The following STEAP3 variants were observed in gnomAD, a reference collection of about 807,000 sequenced individuals.
STEAP3 encodes the protein STEAP3 metalloreductase.
Under a neutral mutation model 34.9 loss-of-function variants are expected in STEAP3, and 35 were observed. That is an observed-to-expected ratio of 1.00 (90% confidence interval 0.76 to 1.33). The LOEUF (loss-of-function observed/expected upper bound fraction) is 1.33, where lower values mean the gene tolerates loss of function less well. STEAP3 is among the 40% of genes most tolerant of loss of function. The pLI is 0.00. For synonymous variants in STEAP3, 281 were observed against 301.6 expected (o/e 0.93, Z 0.71); for missense variants, 652 against 667.6 (o/e 0.98, Z 0.26).
intron 2 of STEAP3, among the ~76,000 whole-genome samples, chr2:119,240,647 A>G (rs1225287814): frequency 6.6e-6 from 1 of 152,236 alleles, no homozygotes. Flanking sequence ...GCCGGGAAGA[A>G]GGAGGGGACA....
At chr2:119,225,199 C>G (rs62159639) in intron 1 of STEAP3, among the ~76,000 whole-genome samples, 4,681 of 152,336 alleles carry the variant, frequency 0.031, 105 homozygotes, top group Non-Finnish European at 0.048. Flanking sequence ...ACCTGGAGGA[C>G]CCAGACTATG....
intron 3 of STEAP3, 57 bp downstream of exon 3, chr2:119,246,045 A>T: frequency 6.4e-7 from 1 of 1,552,984 alleles, no homozygotes; most frequent in Middle Eastern, 1.7e-4. Context: ...GCTAATTTTC[A>T]TCGAGTGCTG....
chr2:119,258,739 C>T (rs1193191476), intron 5 of STEAP3, among the ~76,000 whole-genome samples: 1 of 148,832 alleles, frequency 6.7e-6, no homozygotes, highest in Non-Finnish European at 1.5e-5. Context: ...TCCCAAGTAG[C>T]TGGGACTACA....
intron 1 of STEAP3, among the ~76,000 whole-genome samples, chr2:119,226,477 G>A (rs965587917): frequency 6.6e-6 from 1 of 152,148 alleles, no homozygotes; most frequent in Non-Finnish European, 1.5e-5. Flanking sequence ...CCCTCTAGGA[G>A]TTGGAAGGGT....
intron 2 of STEAP3, among the ~76,000 whole-genome samples, chr2:119,242,807 A>G (rs1478536822): frequency 6.6e-6 from 1 of 152,198 alleles, no homozygotes; most frequent in African/African-American, 2.4e-5. Context: ...CACACAGTTA[A>G]CATAAGGCAG....
chr2:119,229,684 G>T lies in STEAP3; in HGVS notation c.-393-936G>T, dbSNP rs145312711. Among the ~76,000 whole-genome samples the T allele has an allele frequency of 1.6e-3, 241 of 152,272 alleles. 1 individual carries two copies. Among genetic ancestry groups the T allele is most frequent in the East Asian group, 1.2e-3 (6 of 5,162 alleles). On this transcript the variant is annotated intron_variant, in intron 1 of 5. Transcript: ENST00000393110. Reference sequence around the variant, plus strand: ...CCGGGAGAGATTGTCAGGGGTGGGCGTTGGGGGAGATGGCAGGTGCCTTAA... The same window carrying T: ...CCGGGAGAGATTGTCAGGGGTGGGCTTTGGGGGAGATGGCAGGTGCCTTAA...
Position 119,230,815 on chromosome 2 carries a change from C to T in STEAP3, c.-198C>T, listed in dbSNP as rs1021765009. 1 of 669,638 alleles carries T rather than the reference C, an allele frequency of 1.5e-6. No homozygotes were observed. Among genetic ancestry groups the T allele is most frequent in the South Asian group, 1.7e-5 (1 of 57,678 alleles). The allele number at this position is 669,638 out of a possible 1,614,324, so 41.5% of individuals were successfully genotyped here. On this transcript the variant is annotated 5_prime_UTR_variant, in exon 2 of 6. Coordinates refer to ENST00000393110, the MANE Select transcript of STEAP3 (RefSeq NM_182915.3). ...TCAGTCACCACTCCCGGTCCAGCCC[C>T]TGTGGCCAAGAGCTGGCGTGCAGGC...
chr2:119,256,331 G>C (rs1437203012), intron 5 of STEAP3, among the ~76,000 whole-genome samples: 2 of 152,164 alleles, frequency 1.3e-5, no homozygotes, highest in Admixed American at 1.3e-4. Context: ...ACACATGTTA[G>C]CATACGAGAA....
intron 2 of STEAP3, among the ~76,000 whole-genome samples, chr2:119,241,700 G>T (rs569163329): frequency 6.6e-6 from 1 of 152,316 alleles, no homozygotes; most frequent in South Asian, 2.1e-4. Flanking sequence ...CCCCTCGGCT[G>T]CAGCGGCCTC....
At chr2:119,250,812 A>C (rs182002653) in intron 4 of STEAP3, among the ~76,000 whole-genome samples, 2 of 152,060 alleles carry the variant, frequency 1.3e-5, no homozygotes, top group African/African-American at 4.8e-5. Context: ...ATGCAAGGTA[A>C]TTTTCCCCGT....
Position 119,265,497 on chromosome 2 carries a change from T to A in STEAP3, c.*2159T>A, listed in dbSNP as rs1236267200. On this transcript the variant is annotated 3_prime_UTR_variant, in exon 6 of 6. Transcript: ENST00000393110. ...CTGGTAAATTCCATGTGCCTCTGGGTACAAAAGTGCCTCAACGACATGCTC... is the reference window on the plus strand; with the variant it reads ...CTGGTAAATTCCATGTGCCTCTGGGAACAAAAGTGCCTCAACGACATGCTC... 1 of 151,940 alleles carries A rather than the reference T, an allele frequency of 6.6e-6. No individual in the cohort carries two copies. Among genetic ancestry groups the A allele is most frequent in the African/African-American group, 2.4e-5 (1 of 41,366 alleles). 9.4% of individuals were successfully genotyped at this position (151,940 alleles called of 1,614,324 possible).
chr2:119,245,907 C>T lies in STEAP3; in HGVS notation c.441C>T (p.Phe147=). 6.2e-7 allele frequency: 1 copy of T among 1,613,982 alleles called. No individual in the cohort carries two copies. The highest frequency in any genetic ancestry group is 1.1e-5 in the South Asian group (1 of 91,078). ...ATGCTGAGTACCTGGCCTCCCTCTT[C>T]CCCACTTGCACAGTGGTCAAGGCCT... ...ESNAEYLASL[F]PTCTVVKAFN... is the part of the protein sequence containing the mutation. Residue 147 remains phenylalanine, a synonymous_variant, in exon 3 of 6, where the codon TTC becomes TTT. Transcript: ENST00000393110.
intron 4 of STEAP3, among the ~76,000 whole-genome samples, chr2:119,250,475 T>TA (rs1677590570): frequency 6.6e-6 from 1 of 152,216 alleles, no homozygotes; most frequent in African/African-American, 2.4e-5. Context: ...GATATTTTCT[T>TA]ACTGACTTCT....
At chr2:119,256,430 G>T (rs781332250) in intron 5 of STEAP3, among the ~76,000 whole-genome samples, 1 of 152,076 alleles carries the variant, frequency 6.6e-6, no homozygotes, top group Non-Finnish European at 1.5e-5. Context: ...AGTATCCGGC[G>T]TGCATGGTTT....
chr2:119,253,989 C>T (rs931808464), intron 4 of STEAP3, among the ~76,000 whole-genome samples: 1 of 151,448 alleles, frequency 6.6e-6, no homozygotes, highest in Admixed American at 6.6e-5. Flanking sequence ...CTGTGTGCCT[C>T]AGGCAGAAGT....
intron 2 of STEAP3, among the ~76,000 whole-genome samples, chr2:119,232,787 G>A (rs552778145): frequency 6.6e-6 from 1 of 152,020 alleles, no homozygotes; most frequent in Non-Finnish European, 1.5e-5. Context: ...ATGGTGGGGA[G>A]TAGGGCCCCC....
At chr2:119,226,202 G>C (rs564478867) in intron 1 of STEAP3, among the ~76,000 whole-genome samples, 1 of 152,184 alleles carries the variant, frequency 6.6e-6, no homozygotes, top group Admixed American at 6.5e-5. Context: ...TGAGAGGGCT[G>C]GGGTGAGATT....
chr2:119,251,041 G>T (rs1178402754), intron 4 of STEAP3, among the ~76,000 whole-genome samples: 3 of 152,306 alleles, frequency 2.0e-5, no homozygotes, highest in African/African-American at 7.2e-5. Context: ...CCAGATACGG[G>T]GAGGTGCCCA....
chr2:119,261,402 C>A (rs958964430), intron 5 of STEAP3, among the ~76,000 whole-genome samples: 5 of 152,116 alleles, frequency 3.3e-5, no homozygotes, highest in Admixed American at 2.0e-4. Flanking sequence ...CATATGTGTT[C>A]ATTGCTTGAT....
Sources: allele counts gnomAD v4.1 joint callset (sites outside exome capture counted in the v4.1 genomes callset), GRCh38; gene constraint gnomAD v4.1.1; transcripts MANE v1.5; gene names NCBI Gene and HGNC (gene_info 2026-07-23, HGNC 2026-07-21).